The following C12orf42 variants were observed in gnomAD, a reference collection of about 807,000 sequenced individuals.
The protein encoded by C12orf42 is uncharacterized protein C12orf42.
C12orf42 carries 25 observed loss-of-function variants against 21.6 expected under a neutral mutation model. That is an observed-to-expected ratio of 1.16 (90% confidence interval 0.84 to 1.62). C12orf42 has a LOEUF of 1.62. Among genes scored for constraint, C12orf42 ranks in the 40% most tolerant of loss-of-function variants. C12orf42 has a pLI of 0.00. For missense variants in C12orf42, 483 were observed against 459.3 expected (o/e 1.05, Z -0.47); for synonymous variants, 174 against 175.0 (o/e 0.99, Z 0.05).
At chr12:103,468,957 T>C (rs1445177152) in intron 2 of C12orf42, among the ~76,000 whole-genome samples, 2 of 152,202 alleles carry the variant, frequency 1.3e-5, no homozygotes, top group Non-Finnish European at 2.9e-5. Context: ...CTAATAGCCT[T>C]GTAGATTTGA....
chr12:103,048,432 A>T, the C12orf42 span, among the ~76,000 whole-genome samples: 1 of 152,164 alleles, frequency 6.6e-6, no homozygotes, highest in Non-Finnish European at 1.5e-5. Flanking sequence ...ACCCTCCCCC[A>T]TATATGCAAC....
chr12:103,195,564 A>G, the C12orf42 span, among the ~76,000 whole-genome samples: 269 of 152,166 alleles, frequency 1.8e-3, no homozygotes, highest in African/African-American at 6.1e-3. Flanking sequence ...GCATGTTTTC[A>G]TATGCTTGTT....
At chr12:103,560,395 C>T in the C12orf42 span, among the ~76,000 whole-genome samples, 1 of 9,256 alleles carries the variant, frequency 1.1e-4, no homozygotes, top group African/African-American at 2.2e-4. Context: ...ACATGGGCCA[C>T]ATCCATTGAC....
At chr12:103,388,247 T>G (rs1039966355) in intron 3 of C12orf42, among the ~76,000 whole-genome samples, 1 of 152,200 alleles carries the variant, frequency 6.6e-6, no homozygotes, top group African/African-American at 2.4e-5. Context: ...CTGGCCTTTC[T>G]GCTTTGATCT....
chr12:103,471,671 A>C (rs1279170040), intron 2 of C12orf42, among the ~76,000 whole-genome samples: 4 of 152,238 alleles, frequency 2.6e-5, no homozygotes, highest in Non-Finnish European at 4.4e-5. Context: ...TAACCTCTAC[A>C]CTGGTAGCTT....
intron 4 of C12orf42, among the ~76,000 whole-genome samples, chr12:103,278,793 A>G (rs566053888): frequency 5.9e-5 from 9 of 152,376 alleles, no homozygotes; most frequent in Admixed American, 3.3e-4. Context: ...GATTCCTCCA[A>G]AATAAATCCA....
the C12orf42 span, among the ~76,000 whole-genome samples, chr12:103,068,886 T>TAG: frequency 9.1e-3 from 1,216 of 133,362 alleles, 33 homozygotes; most frequent in African/African-American, 0.019. Flanking sequence ...TATATATATA[T>TAG]ATAGATAGAT....
intron 2 of C12orf42, among the ~76,000 whole-genome samples, chr12:103,456,977 T>G (rs1952339717): frequency 6.6e-6 from 1 of 152,184 alleles, no homozygotes; most frequent in Non-Finnish European, 1.5e-5. Context: ...GATTATTTGA[T>G]CCAAACACTG....
chr12:103,451,213 T>G, intron 2 of C12orf42, among the ~76,000 whole-genome samples: 1 of 152,082 alleles, frequency 6.6e-6, no homozygotes, highest in South Asian at 2.1e-4. Flanking sequence ...TTTCTTTTCT[T>G]TCATTTTATT....
intron 9 of C12orf42, chr12:103,263,507 G>T (rs1304889321): frequency 6.6e-6 from 1 of 152,018 alleles, no homozygotes; most frequent in Non-Finnish European, 1.5e-5. Flanking sequence ...TGTCAGGTGA[G>T]GAAGGAGTAC....
At chr12:103,260,960 T>C (rs968161350) in intron 10 of C12orf42, among the ~76,000 whole-genome samples, 12 of 152,182 alleles carry the variant, frequency 7.9e-5, no homozygotes, top group Admixed American at 3.3e-4. Context: ...TTTTTTCTGA[T>C]ATTTTTATCC....
intron 2 of C12orf42, among the ~76,000 whole-genome samples, chr12:103,441,110 C>A (rs1951210479): frequency 6.6e-6 from 1 of 152,098 alleles, no homozygotes; most frequent in Admixed American, 6.6e-5. Flanking sequence ...TGTCAAAAAG[C>A]AAATATTGTT....
chr12:103,182,827 T>C, the C12orf42 span, among the ~76,000 whole-genome samples: 1 of 152,256 alleles, frequency 6.6e-6, no homozygotes, highest in South Asian at 2.1e-4. Flanking sequence ...AACAATGTGA[T>C]ATCACAACCA....
At chr12:103,541,735 G>A in the C12orf42 span, among the ~76,000 whole-genome samples, 1,358 of 151,482 alleles carry the variant, frequency 9.0e-3, 22 homozygotes, top group African/African-American at 0.031. Flanking sequence ...TCTCTTGATT[G>A]TATTATTTTA....
At chr12:103,119,613 T>A in the C12orf42 span, among the ~76,000 whole-genome samples, 788 of 152,256 alleles carry the variant, frequency 5.2e-3, 5 homozygotes, top group South Asian at 0.017. Flanking sequence ...TTCCTCCCAA[T>A]CAGCTATATG....
the C12orf42 span, among the ~76,000 whole-genome samples, chr12:103,553,094 C>T: frequency 2.6e-5 from 4 of 152,156 alleles, no homozygotes; most frequent in East Asian, 7.7e-4. Context: ...ATATCAGGAG[C>T]TGAGTAATTA....
chr12:103,161,956 G>A, the C12orf42 span, among the ~76,000 whole-genome samples: 15 of 152,152 alleles, frequency 9.9e-5, no homozygotes, highest in Middle Eastern at 0.017. Context: ...TTCCCCTCTC[G>A]CACTCTCTTT....
chr12:103,138,650 C>T, the C12orf42 span, among the ~76,000 whole-genome samples: 2 of 152,296 alleles, frequency 1.3e-5, no homozygotes, highest in Admixed American at 6.5e-5. Flanking sequence ...AAAATTTCTG[C>T]ACTTTCTGAG....
chr12:103,101,739 C>T, the C12orf42 span, among the ~76,000 whole-genome samples: 2 of 152,188 alleles, frequency 1.3e-5, no homozygotes, highest in African/African-American at 4.8e-5. Context: ...AAAACAATAA[C>T]TACTAATTTA....
Sources: allele counts gnomAD v4.1 joint callset (sites outside exome capture counted in the v4.1 genomes callset), GRCh38; gene constraint gnomAD v4.1.1; transcripts MANE v1.5; gene names NCBI Gene and HGNC (gene_info 2026-07-23, HGNC 2026-07-21).